The following CAMK2D variants were observed in gnomAD, a reference collection of about 807,000 sequenced individuals.
CAMK2D encodes the protein calcium/calmodulin-dependent protein kinase type II subunit delta.
A neutral mutation model predicts 84.0 loss-of-function variants in CAMK2D; 37 were observed. The ratio of observed to expected loss-of-function variants is 0.44; its 90% CI spans 0.34 to 0.58. CAMK2D has a LOEUF of 0.58. CAMK2D is among the 20% of genes least tolerant of loss of function. The pLI is 0.02. For missense variants in CAMK2D, 448 were observed against 652.5 expected, an observed-to-expected ratio of 0.69 and a Z score of 3.41; for synonymous variants, 202 against 212.5, an observed-to-expected ratio of 0.95 and a Z score of 0.43.
chr4:113,454,615 T>A (rs1166413061), intron 20 of CAMK2D, 100 bp from the exon 21 acceptor site: 1 of 721,960 alleles, frequency 1.4e-6, no homozygotes, highest in East Asian at 2.5e-5. Flanking sequence ...GTTTTATAAC[T>A]TGGCTAACAA....
intron 16 of CAMK2D, among the ~76,000 whole-genome samples, chr4:113,499,222 CAA>C (rs2097992740): frequency 6.6e-6 from 1 of 152,094 alleles, no homozygotes. Flanking sequence ...TACTTCAGTT[CAA>C]ATTTTAGCTT....
At chr4:113,721,235 G>A (rs1181852051) in intron 2 of CAMK2D, among the ~76,000 whole-genome samples, 1 of 152,040 alleles carries the variant, frequency 6.6e-6, no homozygotes, top group Non-Finnish European at 1.5e-5. Context: ...ATAAGAGAGT[G>A]GAAAGGTAAC....
chr4:113,647,127 AT>A (rs2099155202), intron 3 of CAMK2D, among the ~76,000 whole-genome samples: 1 of 152,248 alleles, frequency 6.6e-6, no homozygotes, highest in Non-Finnish European at 1.5e-5. Context: ...AGACTAAATT[AT>A]TCTATTATAT....
chr4:113,504,946 TAAG>T (rs769334142), intron 14 of CAMK2D, 27 bp downstream of exon 14: 5 of 1,350,136 alleles, frequency 3.7e-6, no homozygotes, highest in Non-Finnish European at 4.9e-6. Flanking sequence ...GTAAAGAACT[TAAG>T]AAGGGTTACA....
chr4:113,552,181 T>G (rs2098633815), intron 4 of CAMK2D, 85 bp from the exon 5 acceptor site: 4 of 717,120 alleles, frequency 5.6e-6, no homozygotes, highest in Non-Finnish European at 7.3e-6. Flanking sequence ...TTCATATAGC[T>G]GTTTTTCTTA....
intron 2 of CAMK2D, among the ~76,000 whole-genome samples, chr4:113,750,385 T>C (rs1222875101): frequency 6.6e-6 from 1 of 152,208 alleles, no homozygotes; most frequent in Non-Finnish European, 1.5e-5. Flanking sequence ...CAGGCTCACC[T>C]AATTTATTCA....
At chr4:113,547,318 A>G (rs1394336270) in intron 6 of CAMK2D, among the ~76,000 whole-genome samples, 1 of 152,254 alleles carries the variant, frequency 6.6e-6, no homozygotes, top group East Asian at 1.9e-4. Flanking sequence ...CAATGTACAC[A>G]GAACAAATTT....
intron 2 of CAMK2D, among the ~76,000 whole-genome samples, chr4:113,703,471 G>A (rs188535585): frequency 2.2e-4 from 33 of 152,212 alleles, no homozygotes; most frequent in Non-Finnish European, 2.9e-4. Flanking sequence ...GATCACACGC[G>A]TGAGCCACTA....
chr4:113,566,078 A>T (rs2098722443), intron 4 of CAMK2D, among the ~76,000 whole-genome samples: 1 of 152,110 alleles, frequency 6.6e-6, no homozygotes, highest in Non-Finnish European at 1.5e-5. Context: ...TGCCACTAAG[A>T]ATAGGAGAGT....
intron 5 of CAMK2D, among the ~76,000 whole-genome samples, chr4:113,549,641 T>TTGTA (rs1370329197): frequency 6.6e-6 from 1 of 152,206 alleles, no homozygotes; most frequent in African/African-American, 2.4e-5. Context: ...CTGATGAATT[T>TTGTA]TGTATAAGTT....
chr4:113,674,870 G>A (rs2099311804), intron 2 of CAMK2D, among the ~76,000 whole-genome samples: 1 of 151,788 alleles, frequency 6.6e-6, no homozygotes, highest in African/African-American at 2.4e-5. Context: ...ATAAACAACA[G>A]AGGCACTAAG....
At chr4:113,575,216 T>C (rs1179777231) in intron 4 of CAMK2D, among the ~76,000 whole-genome samples, 1 of 152,166 alleles carries the variant, frequency 6.6e-6, no homozygotes, top group African/African-American at 2.4e-5. Context: ...ATCCACTCCA[T>C]GGATAGAAAG....
intron 6 of CAMK2D, among the ~76,000 whole-genome samples, chr4:113,545,022 A>C (rs2098556422): frequency 6.6e-6 from 1 of 152,216 alleles, no homozygotes; most frequent in Non-Finnish European, 1.5e-5. Flanking sequence ...ATTCAACTAA[A>C]TAGTGATCTT....
At chr4:113,591,127 T>C (rs2098876862) in intron 4 of CAMK2D, among the ~76,000 whole-genome samples, 1 of 152,112 alleles carries the variant, frequency 6.6e-6, no homozygotes, top group South Asian at 2.1e-4. Context: ...CTGGGACCTA[T>C]TGCCATTATC....
chr4:113,584,569 G>C (rs1193291304), intron 4 of CAMK2D, among the ~76,000 whole-genome samples: 2 of 152,182 alleles, frequency 1.3e-5, no homozygotes, highest in Non-Finnish European at 2.9e-5. Flanking sequence ...CCTGGTTTCA[G>C]GTGGTGGGAA....
At chr4:113,612,615 T>A (rs925673905) in intron 3 of CAMK2D, among the ~76,000 whole-genome samples, 5 of 152,178 alleles carry the variant, frequency 3.3e-5, no homozygotes, top group African/African-American at 9.6e-5. Context: ...CCTATGACGT[T>A]TTTAGAGAGA....
chr4:113,601,806 C>T (rs1390886377), intron 4 of CAMK2D, among the ~76,000 whole-genome samples: 6 of 148,462 alleles, frequency 4.0e-5, no homozygotes, highest in African/African-American at 1.5e-4. Context: ...AGTGATTTTC[C>T]GCCTCAGCCA....
At chr4:113,577,088 C>G (rs997039211) in intron 4 of CAMK2D, among the ~76,000 whole-genome samples, 2 of 152,090 alleles carry the variant, frequency 1.3e-5, no homozygotes, top group Non-Finnish European at 2.9e-5. Context: ...TCCCCTCCCC[C>G]CAGGAAGAGT....
intron 16 of CAMK2D, among the ~76,000 whole-genome samples, chr4:113,496,602 C>G (rs2097936942): frequency 6.6e-6 from 1 of 152,088 alleles, no homozygotes; most frequent in African/African-American, 2.4e-5. Flanking sequence ...GCGCGTACCA[C>G]AGTGCCCAGC....
Sources: allele counts gnomAD v4.1 joint callset (sites outside exome capture counted in the v4.1 genomes callset), GRCh38; gene constraint gnomAD v4.1.1; transcripts MANE v1.5; gene names NCBI Gene and HGNC (gene_info 2026-07-23, HGNC 2026-07-21).